HEPACAM: variants seen among roughly 807,000 people sequenced by gnomAD.
HEPACAM encodes the protein hepatocyte cell adhesion molecule.
A neutral mutation model predicts 38.3 loss-of-function variants in HEPACAM; 18 were observed. The observed-to-expected ratio is 0.47, with a 90% CI of 0.33 to 0.70. The LOEUF (loss-of-function observed/expected upper bound fraction) is 0.70. Ranked by LOEUF, HEPACAM falls within the 30% of genes least tolerant of loss-of-function variation. The probability of loss-of-function intolerance (pLI) is 0.03; values close to 1 mark genes in which losing one functional copy is unlikely to be tolerated. For synonymous variants in HEPACAM, 216 were observed against 243.1 expected (o/e 0.89, Z 1.04); for missense variants, 466 against 563.0 (o/e 0.83, Z 1.74).
chr11:124,919,502 C>CT lies in HEPACAM; in HGVS notation c.*1635dup, dbSNP rs983078405. ...TCTCAAGGCTGACCAGCAGGTACTC[C>CT]TTATCCAAGTCCTGCTGCCTCTTCC... On this transcript the variant is annotated 3_prime_UTR_variant, in exon 7 of 7. Transcript: ENST00000298251. The CT allele has an allele frequency of 1.8e-6, 1 of 549,362 alleles. No homozygotes were observed. Among genetic ancestry groups the CT allele is most frequent in the Admixed American group, 3.1e-5 (1 of 32,278 alleles). The allele number at this position is 549,362 out of a possible 1,614,324, so 34.0% of individuals were successfully genotyped here. A position where few individuals can be genotyped will look rare whatever the true frequency, so the allele number is the denominator to read the frequency against.
At chr11:124,930,661 C>T (rs948297121) in intron 1 of HEPACAM, among the ~76,000 whole-genome samples, 12 of 152,138 alleles carry the variant, frequency 7.9e-5, no homozygotes, top group Admixed American at 5.9e-4. Context: ...ACTTTGTGAT[C>T]TTGACATGAA....
Position 124,935,928 on chromosome 11 carries a change from G to C in HEPACAM, c.79C>G (p.Gln27Glu). ...LAPFVYLLLIQTDPLEGVNIT... is the reference protein window; with the variant it reads ...LAPFVYLLLIETDPLEGVNIT... Reference sequence around the variant, plus strand: ...TTACCCTCTGGCCTCCTACCTGTCTGGATCAGAAGAAGGTAGACAAAAGGA... The same window carrying C: ...TTACCCTCTGGCCTCCTACCTGTCTCGATCAGAAGAAGGTAGACAAAAGGA... Residue 27 changes from glutamine (Q) to glutamate (E), a missense_variant, in exon 1 of 7, where the codon CAG (glutamine) becomes GAG (glutamate). By Grantham distance (29) the Gln-to-Glu change is conservative. Coordinates refer to ENST00000298251, the MANE Select transcript of HEPACAM (RefSeq NM_152722.5). 1 of 1,613,736 alleles carries C rather than the reference G, an allele frequency of 6.2e-7. No individual in the cohort carries two copies. Among genetic ancestry groups the C allele is most frequent in the Non-Finnish European group, 8.5e-7 (1 of 1,179,762 alleles).
chr11:124,922,849 G>T (rs185518927), intron 4 of HEPACAM, 31 bp from the exon 5 acceptor site: 2 of 1,608,870 alleles, frequency 1.2e-6, no homozygotes, highest in Admixed American at 1.7e-5. Context: ...ACTATGAGCC[G>T]AATTATTGAA....
In HEPACAM at chr11:124,924,896, C is replaced by A; in HGVS notation, c.259G>T (p.Val87Phe). 1 of 1,614,196 alleles carries A rather than the reference C, an allele frequency of 6.2e-7. No individual in the cohort carries two copies. Among genetic ancestry groups the A allele is most frequent in the Non-Finnish European group, 8.5e-7 (1 of 1,180,032 alleles). The change falls in exon 2 of 7, where the codon GTC becomes TTC. Residue 87 changes from valine to phenylalanine, a missense_variant. Val to Phe is a conservative substitution (Grantham distance 50). Coordinates refer to ENST00000298251, the MANE Select transcript of HEPACAM (RefSeq NM_152722.5). This position sits in a 1 kb window ranked among gnomAD's most constrained non-coding sequence, Gnocchi z 4.4. Reference sequence around the variant, plus strand: ...TAGTCAGGCCGCAGGGTGCCGATGACCTCTGTGCCAATGGACTGCACCACG... The same window carrying A: ...TAGTCAGGCCGCAGGGTGCCGATGAACTCTGTGCCAATGGACTGCACCACG... ...VTVVQSIGTE[V>F]IGTLRPDYRD...
rs1389115651 is a variant in HEPACAM, at chr11:124,919,279, T to C, written c.*1859A>G. 1 of 159,474 alleles carries C rather than the reference T, an allele frequency of 6.3e-6. No individual in the cohort carries two copies. Among genetic ancestry groups the C allele is most frequent in the Non-Finnish European group, 1.4e-5 (1 of 72,672 alleles). The allele number at this position is 159,474 out of a possible 1,614,324, so 9.9% of individuals were successfully genotyped here. On this transcript the variant is annotated 3_prime_UTR_variant, in exon 7 of 7. Coordinates refer to ENST00000298251, the MANE Select transcript of HEPACAM (RefSeq NM_152722.5). ...TCAAAAGTTTATTGAGCATCCAGTATGTGCTAGGCACTCTGCTGGATGCTA... is the reference window on the plus strand; with the variant it reads ...TCAAAAGTTTATTGAGCATCCAGTACGTGCTAGGCACTCTGCTGGATGCTA...
intron 1 of HEPACAM, among the ~76,000 whole-genome samples, chr11:124,927,320 A>G (rs1228516331): frequency 6.6e-6 from 1 of 151,362 alleles, no homozygotes; most frequent in Non-Finnish European, 1.5e-5. Flanking sequence ...CAGGACCAGA[A>G]GATCTCTAGG....
Position 124,920,678 on chromosome 11 carries a change from C to A in HEPACAM, c.*460G>T, listed in dbSNP as rs12576272. 0.017 allele frequency: 9,751 copies of A among 574,280 alleles called. 250 individuals carry two copies. In the East Asian group the frequency reaches 0.2, roughly 12 times the overall value. 35.6% of individuals were successfully genotyped at this position (574,280 alleles called of 1,614,324 possible). Reference sequence around the variant, plus strand: ...AAGTGGCCTCTCTAATCTGAACTTGCAAAAAAAAAAAAAAAAAAAAAAAAA... The same window carrying A: ...AAGTGGCCTCTCTAATCTGAACTTGAAAAAAAAAAAAAAAAAAAAAAAAAA... On this transcript the variant is annotated 3_prime_UTR_variant, in exon 7 of 7. Coordinates refer to ENST00000298251, the MANE Select transcript of HEPACAM (RefSeq NM_152722.5).
In HEPACAM at chr11:124,919,548, C is replaced by G; in HGVS notation, c.*1590G>C. 1.7e-6 allele frequency: 1 copy of G among 599,232 alleles called. No individual in the cohort carries two copies. Among genetic ancestry groups the G allele is most frequent in the Non-Finnish European group, 2.9e-6 (1 of 340,890 alleles). 37.1% of individuals were successfully genotyped at this position (599,232 alleles called of 1,614,324 possible). On this transcript the variant is annotated 3_prime_UTR_variant, in exon 7 of 7. Coordinates refer to ENST00000298251, the MANE Select transcript of HEPACAM (RefSeq NM_152722.5). ...CTTCCACCTTCTTGAGAAACTTTTC[C>G]CCTACATGCATTATCTCATTATGGA...
At chr11:124,923,690 G>A in intron 3 of HEPACAM, 39 bp downstream of exon 3, 1 of 1,612,450 alleles carries the variant, frequency 6.2e-7, no homozygotes, top group East Asian at 2.2e-5. Context: ...TGCCTCTTGG[G>A]GCTTTGAGTA....
In HEPACAM at chr11:124,924,841, C is replaced by G; in HGVS notation, c.314G>C (p.Gly105Ala). 6.2e-7 allele frequency: 1 copy of G among 1,614,142 alleles called. No individual in the cohort carries two copies. Among genetic ancestry groups the G allele is most frequent in the South Asian group, 1.1e-5 (1 of 91,082 alleles). ...YRDRIRLFEN[G>A]SLLLSDLQLA... ...CTGCAGGTCGCTGAGAAGCAGGGAG[C>G]CATTTTCAAAGAGTCGGATACGGTC... Residue 105 changes from glycine to alanine, a missense_variant, in exon 2 of 7, where the codon GGC becomes GCC. Transcript: ENST00000298251. This position sits in a 1 kb window ranked among gnomAD's most constrained non-coding sequence, Gnocchi z 4.4.
chr11:124,921,219 G>T lies in HEPACAM; in HGVS notation c.1170C>A (p.Ser390Arg), dbSNP rs1260115574. ...CCGCAGTCCGCAGTGTGCGCGAGGC[G>T]CTGCGCGAGCGGCCGGGCGAGCTCG... The part of the protein sequence containing the change: ...RAPSSPGRSR[S>R]ASRTLRTAGV... Residue 390 changes from serine (S) to arginine (R), a missense_variant, in exon 7 of 7, where the codon AGC (serine) becomes AGA (arginine). By Grantham distance (110) the Ser-to-Arg change is moderately radical. Transcript: ENST00000298251. The surrounding 1 kb of genome is among the most constrained non-coding windows in gnomAD (Gnocchi z 4.6). 2.0e-6 allele frequency: 3 copies of T among 1,476,588 alleles called. No individual in the cohort carries two copies. The highest frequency in any genetic ancestry group is 2.7e-6 in the Non-Finnish European group (3 of 1,120,180). The allele number at this position is 1,476,588 out of a possible 1,614,324, so 91.5% of individuals were successfully genotyped here.
At chr11:124,935,718 G>T (rs907284348) in intron 1 of HEPACAM, among the ~76,000 whole-genome samples, 6 of 152,162 alleles carry the variant, frequency 3.9e-5, no homozygotes, top group African/African-American at 9.7e-5. Flanking sequence ...TTTGGGGGAA[G>T]GGGGTAGGGG....
intron 1 of HEPACAM, among the ~76,000 whole-genome samples, chr11:124,934,368 G>A (rs1045058273): frequency 2.0e-5 from 3 of 151,420 alleles, no homozygotes; most frequent in Admixed American, 6.6e-5. Context: ...AAATTCATAC[G>A]TTGGAGTCCT....
chr11:124,930,000 C>T (rs3924535), intron 1 of HEPACAM, among the ~76,000 whole-genome samples: 11,820 of 152,150 alleles, frequency 0.078, 1,074 homozygotes, highest in East Asian at 0.46. Context: ...TCCCTAACAC[C>T]AAAGGCTGCT....
rs1335408413 is a variant in HEPACAM, at chr11:124,920,375, A to G, written c.*763T>C. 7 of 1,545,060 alleles carry G rather than the reference A, an allele frequency of 4.5e-6. No individual in the cohort carries two copies. The highest frequency in any genetic ancestry group is 4.0e-5 in the Admixed American group (2 of 50,452). On this transcript the variant is annotated 3_prime_UTR_variant, in exon 7 of 7. Coordinates refer to ENST00000298251, the MANE Select transcript of HEPACAM (RefSeq NM_152722.5). ...GCCCATCCATCTCTTTTATTCATGA[A>G]CAGAGACAGAAAGAGTGCTTGGCAT...
chr11:124,920,279 A>T lies in HEPACAM; in HGVS notation c.*859T>A. 1 of 1,053,822 alleles carries T rather than the reference A, an allele frequency of 9.5e-7. No homozygotes were observed. Among genetic ancestry groups the T allele is most frequent in the Non-Finnish European group, 1.4e-6 (1 of 726,934 alleles). The allele number at this position is 1,053,822 out of a possible 1,614,324, so 65.3% of individuals were successfully genotyped here. ...GAGGAATATATGAGTTTGATGAGCT[A>T]AAACAGTTCCTCATTTGGTCTAGTT... On this transcript the variant is annotated 3_prime_UTR_variant, in exon 7 of 7. Transcript: ENST00000298251.
chr11:124,922,600 C>A, intron 5 of HEPACAM, 142 bp from the exon 6 acceptor site: 1 of 1,610,008 alleles, frequency 6.2e-7, no homozygotes, highest in Non-Finnish European at 8.5e-7. Context: ...TTGGCCAAAC[C>A]TTTCCCTCCT....
Position 124,921,061 on chromosome 11 carries a change from C to A in HEPACAM, c.*77G>T. 2.0e-6 allele frequency: 3 copies of A among 1,475,100 alleles called. No homozygotes were observed. The highest frequency in any genetic ancestry group is 2.7e-6 in the Non-Finnish European group (3 of 1,117,694). The allele number at this position is 1,475,100 out of a possible 1,614,324, so 91.4% of individuals were successfully genotyped here. On this transcript the variant is annotated 3_prime_UTR_variant, in exon 7 of 7. Coordinates refer to ENST00000298251, the MANE Select transcript of HEPACAM (RefSeq NM_152722.5). This position sits in a 1 kb window ranked among gnomAD's most constrained non-coding sequence, Gnocchi z 4.6. ...CCCCTCGTCCCCAGCGCGCCGCGCC[C>A]GGGCTTCCCAGCCCCAGCTTTCCCC...
intron 5 of HEPACAM, 106 bp from the exon 6 acceptor site, chr11:124,922,564 C>T (rs1947154881): frequency 6.9e-6 from 11 of 1,598,772 alleles, no homozygotes; most frequent in Non-Finnish European, 8.6e-6. Flanking sequence ...CCTCCACCAA[C>T]ATATCTGAAT....
Sources: gnomAD v4.1 joint callset for allele counts (sites outside exome capture counted in the v4.1 genomes callset) on GRCh38, gnomAD v4.1.1 for gene constraint, Gnocchi (gnomAD v3.1) non-coding constraint, MANE v1.5 for transcripts, NCBI Gene and HGNC (gene_info 2026-07-23, HGNC 2026-07-21) for gene names.